RTN1: variants seen among roughly 807,000 people sequenced by gnomAD.
The protein encoded by RTN1 is reticulon-1.
RTN1 carries 25 observed loss-of-function variants against 65.5 expected under a neutral mutation model. The ratio of observed to expected loss-of-function variants is 0.38; its 90% confidence interval spans 0.28 to 0.53. RTN1 has a LOEUF of 0.53. RTN1 is among the 20% of genes least tolerant of loss of function. The probability of loss-of-function intolerance (pLI) is 0.79; values close to 1 mark genes in which losing one functional copy is unlikely to be tolerated. For synonymous variants in RTN1, 471 were observed against 447.6 expected (o/e 1.05, Z -0.66); for missense variants, 983 against 1,025.4 (o/e 0.96, Z 0.57).
At chr14:59,670,303 T>C (rs1883475738) in intron 3 of RTN1, among the ~76,000 whole-genome samples, 1 of 152,138 alleles carries the variant, frequency 6.6e-6, no homozygotes, top group Admixed American at 6.5e-5. Context: ...TGCAAACAAA[T>C]GCAATTTTGC....
chr14:59,797,378 T>C (rs1263453272), intron 1 of RTN1, among the ~76,000 whole-genome samples: 1 of 152,144 alleles, frequency 6.6e-6, no homozygotes, highest in African/African-American at 2.4e-5. Flanking sequence ...AGATCAGCTT[T>C]GAAAGGAGTC....
At chr14:59,769,399 C>T (rs1282247067) in intron 1 of RTN1, among the ~76,000 whole-genome samples, 1 of 152,118 alleles carries the variant, frequency 6.6e-6, no homozygotes, top group South Asian at 2.1e-4. Context: ...AATATAAAAA[C>T]ATTTACCACT....
At chr14:59,796,804 CA>C (rs1886447907) in intron 1 of RTN1, among the ~76,000 whole-genome samples, 1 of 152,154 alleles carries the variant, frequency 6.6e-6, no homozygotes, top group African/African-American at 2.4e-5. Context: ...TTGCATTCAT[CA>C]TGTTATTTCC....
At chr14:59,813,366 AGTTT>A (rs1322230109) in intron 1 of RTN1, among the ~76,000 whole-genome samples, 36 of 152,182 alleles carry the variant, frequency 2.4e-4, no homozygotes, top group African/African-American at 8.0e-4. Flanking sequence ...ACTCCCAATT[AGTTT>A]GTGGGGAAAG....
At chr14:59,758,936 G>GT (rs1885694266) in intron 1 of RTN1, among the ~76,000 whole-genome samples, 1 of 152,202 alleles carries the variant, frequency 6.6e-6, no homozygotes. Flanking sequence ...CATAGGCTTA[G>GT]TAACCTAGTG....
At chr14:59,648,640 A>T (rs1246847049) in intron 3 of RTN1, among the ~76,000 whole-genome samples, 1 of 152,244 alleles carries the variant, frequency 6.6e-6, no homozygotes, top group Non-Finnish European at 1.5e-5. Flanking sequence ...AATATATGCA[A>T]ATCAACAAAT....
At chr14:59,673,950 A>G (rs1212200533) in intron 3 of RTN1, among the ~76,000 whole-genome samples, 1 of 152,198 alleles carries the variant, frequency 6.6e-6, no homozygotes, top group African/African-American at 2.4e-5. Context: ...TCTTATTCAT[A>G]TATCCCTAGT....
At chr14:59,629,127 C>T (rs908364881) in intron 3 of RTN1, among the ~76,000 whole-genome samples, 26 of 152,188 alleles carry the variant, frequency 1.7e-4, no homozygotes, top group Non-Finnish European at 1.3e-4. Flanking sequence ...TTCTTCAAAA[C>T]ATTGTGCCTC....
At chr14:59,819,425 ACCCC>A (rs1886891981) in intron 1 of RTN1, among the ~76,000 whole-genome samples, 1 of 14,830 alleles carries the variant, frequency 6.7e-5, no homozygotes, top group Non-Finnish European at 1.1e-4. Flanking sequence ...CCCCCCCCCC[ACCCC>A]CCACCCCCCC....
Position 59,825,793 on chromosome 14 carries a change from GAA to G in RTN1, c.241+44595_241+44596del, listed in dbSNP as rs1235248291. Reference sequence around the variant, plus strand: ...AAACATAGACCTCGGGTATGCCATAGAAACTAAATGGCATTACCCAAGGTCTC... The same window carrying G: ...AAACATAGACCTCGGGTATGCCATAGACTAAATGGCATTACCCAAGGTCTC... On this transcript the variant is annotated intron_variant, in intron 1 of 8. Coordinates refer to ENST00000267484, the MANE Select transcript of RTN1 (RefSeq NM_021136.3). This position sits in a 1 kb window ranked among gnomAD's most constrained non-coding sequence, Gnocchi z 4.2. Among the ~76,000 whole-genome samples the G allele has an allele frequency of 1.2e-4, 18 of 152,182 alleles. No homozygotes were observed. The highest frequency in any genetic ancestry group is 1.2e-3 in the Admixed American group (18 of 15,274).
rs372607336 is a variant in RTN1 at position 59,750,208 on chromosome 14, TAATA to T, written c.242-3731_242-3728del. On this transcript the variant is annotated intron_variant, in intron 1 of 8. Transcript: ENST00000267484. ...ATACATATATTATATCTATAATATA[TAATA>T]TATATATTATATCTATAATATATAT... is the stretch of plus-strand genomic sequence containing the variant. 5.7e-4 allele frequency among the ~76,000 whole-genome samples: 15 copies of T among 26,362 alleles called. 3 individuals are homozygous for T. Among genetic ancestry groups the T allele is most frequent in the African/African-American group, 2.1e-3 (12 of 5,796 alleles). 17.3% of individuals were successfully genotyped at this position (26,362 alleles called of 152,430 possible).
At chr14:59,675,479 T>TCAACAGTATCTAGAAC (rs1883607147) in intron 3 of RTN1, among the ~76,000 whole-genome samples, 1 of 151,430 alleles carries the variant, frequency 6.6e-6, no homozygotes, top group Non-Finnish European at 1.5e-5. Flanking sequence ...GAGCACTTAC[T>TCAACAGTATCTAGAAC]ATGTTCTAGA....
chr14:59,710,576 T>C (rs901203804), intron 3 of RTN1, among the ~76,000 whole-genome samples: 9 of 152,254 alleles, frequency 5.9e-5, no homozygotes, highest in African/African-American at 2.2e-4. Flanking sequence ...TCACACTGGA[T>C]GGTGAAAAAG....
At chr14:59,814,774 A>G (rs1886789992) in intron 1 of RTN1, among the ~76,000 whole-genome samples, 1 of 152,230 alleles carries the variant, frequency 6.6e-6, no homozygotes, top group South Asian at 2.1e-4. Context: ...AAACAAGGAA[A>G]TGTACACAGA....
At chr14:59,748,212 T>TTTTTG (rs1885269618) in intron 1 of RTN1, among the ~76,000 whole-genome samples, 5 of 143,314 alleles carry the variant, frequency 3.5e-5, no homozygotes, top group Admixed American at 3.4e-4. Context: ...TCTGTGAGGT[T>TTTTTG]TTTTTTTTTT....
intron 2 of RTN1, among the ~76,000 whole-genome samples, chr14:59,735,576 G>C (rs535327801): frequency 6.6e-6 from 1 of 152,284 alleles, no homozygotes; most frequent in South Asian, 2.1e-4. Context: ...GAATAAAGCA[G>C]AGGTTGCACT....
chr14:59,664,846 G>A (rs1883332489), intron 3 of RTN1, among the ~76,000 whole-genome samples: 1 of 151,978 alleles, frequency 6.6e-6, no homozygotes, highest in Non-Finnish European at 1.5e-5. Flanking sequence ...TTATTTCCCT[G>A]GGATAAATGC....
At chr14:59,688,778 AAAC>A (rs1195900837) in intron 3 of RTN1, among the ~76,000 whole-genome samples, 3 of 152,188 alleles carry the variant, frequency 2.0e-5, no homozygotes, top group African/African-American at 7.2e-5. Flanking sequence ...GAAAGAAAGA[AAAC>A]AACAATAATA....
chr14:59,654,499 G>A (rs867658264), intron 3 of RTN1, among the ~76,000 whole-genome samples: 40 of 148,648 alleles, frequency 2.7e-4, no homozygotes, highest in Non-Finnish European at 5.3e-4. Flanking sequence ...TTTCCCTGAT[G>A]CTAAAATCAG....
Sources: allele counts gnomAD v4.1 joint callset (sites outside exome capture counted in the v4.1 genomes callset), GRCh38; gene constraint gnomAD v4.1.1; non-coding constraint Gnocchi (gnomAD v3.1); transcripts MANE v1.5; gene names NCBI Gene and HGNC (gene_info 2026-07-23, HGNC 2026-07-21).